The following DLGAP1 variants were observed in gnomAD, a reference collection of about 807,000 sequenced individuals.
DLGAP1 encodes disks large-associated protein 1.
A neutral mutation model predicts 90.8 loss-of-function variants in DLGAP1; 11 were observed. The ratio of observed to expected loss-of-function variants is 0.12; its 90% CI spans 0.08 to 0.20. The LOEUF (loss-of-function observed/expected upper bound fraction) is 0.20. Ranked by LOEUF, DLGAP1 falls within the 10% of genes least tolerant of loss-of-function variation. DLGAP1 has a pLI of 1.00. For synonymous variants in DLGAP1, 558 were observed against 540.7 expected, an observed-to-expected ratio of 1.03 and a Z score of -0.44; for missense variants, 1,050 against 1,333.8, an observed-to-expected ratio of 0.79 and a Z score of 3.31.
intron 1 of DLGAP1, among the ~76,000 whole-genome samples, chr18:4,284,798 G>T (rs950518709): frequency 6.6e-6 from 1 of 152,158 alleles, no homozygotes; most frequent in Non-Finnish European, 1.5e-5. Flanking sequence ...GCTATCAAAA[G>T]AAGCTAATAA....
intron 1 of DLGAP1, among the ~76,000 whole-genome samples, chr18:4,290,015 T>TA (rs909768366): frequency 3.9e-5 from 6 of 152,120 alleles, no homozygotes; most frequent in African/African-American, 1.4e-4. Flanking sequence ...ACATTCTATG[T>TA]AAAAAAGGAA....
chr18:4,235,717 G>GTTT (rs2078395182), intron 1 of DLGAP1, among the ~76,000 whole-genome samples: 5 of 101,600 alleles, frequency 4.9e-5, no homozygotes, highest in African/African-American at 1.1e-4. Context: ...CAATTTCAAT[G>GTTT]TCTTTTTTTT....
At chr18:3,662,030 C>A (rs1598243971) in intron 7 of DLGAP1, among the ~76,000 whole-genome samples, 1 of 151,960 alleles carries the variant, frequency 6.6e-6, no homozygotes, top group African/African-American at 2.4e-5. Context: ...AGAAAATATA[C>A]CCAAGGAACC....
At chr18:4,059,649 T>C (rs921976914) in intron 2 of DLGAP1, among the ~76,000 whole-genome samples, 1 of 152,010 alleles carries the variant, frequency 6.6e-6, no homozygotes, top group African/African-American at 2.4e-5. Flanking sequence ...AGGTGGAGGT[T>C]ATGGTGAGCC....
At chr18:3,551,665 C>CT (rs1555677457) in intron 9 of DLGAP1, among the ~76,000 whole-genome samples, 12 of 64,404 alleles carry the variant, frequency 1.9e-4, no homozygotes, top group Admixed American at 3.4e-4. Flanking sequence ...TGTCTCTTTC[C>CT]TTCTTTCTTT....
intron 7 of DLGAP1, among the ~76,000 whole-genome samples, chr18:3,679,154 C>T (rs2060418611): frequency 6.6e-6 from 1 of 152,058 alleles, no homozygotes; most frequent in Non-Finnish European, 1.5e-5. Flanking sequence ...AACAAGGCCC[C>T]CGTGTCTTTG....
At chr18:3,836,508 C>T (rs532410617) in intron 4 of DLGAP1, among the ~76,000 whole-genome samples, 6 of 152,130 alleles carry the variant, frequency 3.9e-5, no homozygotes, top group Admixed American at 3.3e-4. Flanking sequence ...GTTTTCCTCA[C>T]CCTGAATACT....
At chr18:4,207,196 T>A (rs984055175) in intron 1 of DLGAP1, among the ~76,000 whole-genome samples, 2 of 152,162 alleles carry the variant, frequency 1.3e-5, no homozygotes, top group African/African-American at 4.8e-5. Context: ...CAGGTCAGCA[T>A]GGCTGTGGAG....
chr18:4,076,263 A>G (rs2075521817), intron 2 of DLGAP1, among the ~76,000 whole-genome samples: 2 of 152,214 alleles, frequency 1.3e-5, no homozygotes, highest in Non-Finnish European at 2.9e-5. Context: ...ATTTGATTAA[A>G]TCTGGCATAA....
intron 5 of DLGAP1, among the ~76,000 whole-genome samples, chr18:3,800,778 CAT>C (rs935307750): frequency 2.6e-5 from 4 of 151,780 alleles, no homozygotes; most frequent in African/African-American, 9.7e-5. Flanking sequence ...AAAAAAGAGA[CAT>C]GTGGGTATGG....
At chr18:3,690,802 C>T (rs915013986) in intron 7 of DLGAP1, among the ~76,000 whole-genome samples, 1 of 152,172 alleles carries the variant, frequency 6.6e-6, no homozygotes, top group East Asian at 1.9e-4. Context: ...TTTTTCACCA[C>T]CACCAACAGA....
At chr18:4,227,387 C>T (rs2078213948) in intron 1 of DLGAP1, among the ~76,000 whole-genome samples, 1 of 152,006 alleles carries the variant, frequency 6.6e-6, no homozygotes, top group Non-Finnish European at 1.5e-5. Context: ...CATCCAACGG[C>T]TGCAGAATAC....
At chr18:4,041,449 TG>T (rs1232341065) in intron 2 of DLGAP1, among the ~76,000 whole-genome samples, 7 of 152,366 alleles carry the variant, frequency 4.6e-5, no homozygotes, top group South Asian at 2.1e-4. Flanking sequence ...CTGAATTCCC[TG>T]TCCTGGTGTC....
chr18:3,777,712 A>T (rs2065000648), intron 5 of DLGAP1, among the ~76,000 whole-genome samples: 1 of 152,234 alleles, frequency 6.6e-6, no homozygotes. Flanking sequence ...AAGGGGTTCC[A>T]AATCAGTGAT....
intron 4 of DLGAP1, among the ~76,000 whole-genome samples, chr18:3,829,305 T>G (rs1368193707): frequency 6.6e-6 from 1 of 152,230 alleles, no homozygotes; most frequent in Admixed American, 6.5e-5. Context: ...AGTGTATTTG[T>G]AGGTTGCTTT....
chr18:3,728,028 G>A (rs200239137), intron 7 of DLGAP1: 2 of 152,068 alleles, frequency 1.3e-5, no homozygotes, highest in African/African-American at 4.8e-5. Context: ...TAGTTAGAAG[G>A]ATTTTAACTT....
At chr18:4,341,351 C>T (rs1323918693) in intron 1 of DLGAP1, among the ~76,000 whole-genome samples, 1 of 152,048 alleles carries the variant, frequency 6.6e-6, no homozygotes. Flanking sequence ...TGAAGCCTTC[C>T]TAACACCTCT....
At chr18:3,895,056 C>T (rs1384063191) in intron 3 of DLGAP1, among the ~76,000 whole-genome samples, 1 of 152,104 alleles carries the variant, frequency 6.6e-6, no homozygotes, top group Non-Finnish European at 1.5e-5. Context: ...GTGGTAAATT[C>T]CTCTCAGGTG....
chr18:3,869,153 C>T (rs7506709), intron 4 of DLGAP1, among the ~76,000 whole-genome samples: 45,732 of 140,666 alleles, frequency 0.33, 7,158 homozygotes, highest in South Asian at 0.42. Context: ...GTGTGTATTG[C>T]GTTTTTTTTT....
Sources: gnomAD v4.1 joint callset for allele counts (sites outside exome capture counted in the v4.1 genomes callset) on GRCh38, gnomAD v4.1.1 for gene constraint, MANE v1.5 for transcripts, NCBI Gene and HGNC (gene_info 2026-07-23, HGNC 2026-07-21) for gene names.